Variants in SRGAP3 observed in about 807,000 individuals in gnomAD.
The protein encoded by SRGAP3 is SLIT-ROBO Rho GTPase-activating protein 3.
SRGAP3 carries 39 observed loss-of-function variants against 121.1 expected under a neutral mutation model. The ratio of observed to expected loss-of-function variants is 0.32; its 90% CI spans 0.25 to 0.42. The LOEUF is 0.42. SRGAP3 is among the 10% of genes least tolerant of loss of function. The pLI is 1.00. For missense variants in SRGAP3, 1,213 were observed against 1,470.6 expected (o/e 0.82, Z 2.86); for synonymous variants, 601 against 570.0 (o/e 1.05, Z -0.77).
chr3:9,140,946 G>A (rs1056057848), intron 1 of SRGAP3, among the ~76,000 whole-genome samples: 8 of 152,214 alleles, frequency 5.3e-5, no homozygotes, highest in African/African-American at 1.9e-4. Flanking sequence ...CTCCCCAGGG[G>A]TTAGGCAGGC....
chr3:9,286,727 T>C (rs36074693), intron 3 of SRGAP3, among the ~76,000 whole-genome samples: 16,885 of 140,236 alleles, frequency 0.12, 1,233 homozygotes, highest in Non-Finnish European at 0.14. Flanking sequence ...CTCAGCCTCC[T>C]GAGTAGCTGG....
chr3:9,238,546 A>G (rs1953500989), intron 1 of SRGAP3, among the ~76,000 whole-genome samples: 1 of 152,154 alleles, frequency 6.6e-6, no homozygotes, highest in African/African-American at 2.4e-5. Flanking sequence ...TGGAGAGTAA[A>G]TCAGTAAAGC....
intron 3 of SRGAP3, among the ~76,000 whole-genome samples, chr3:9,260,696 G>T (rs2648510): frequency 0.63 from 95,791 of 151,672 alleles, 31,166 homozygotes; most frequent in Non-Finnish European, 0.71. Context: ...CAGAGAACCT[G>T]GGGGAAGGGG....
chr3:9,075,281 C>A (rs1946908483), intron 4 of SRGAP3, among the ~76,000 whole-genome samples: 1 of 152,112 alleles, frequency 6.6e-6, no homozygotes, highest in African/African-American at 2.4e-5. Flanking sequence ...TATGTGTGCG[C>A]ACGCTTGCAT....
intron 1 of SRGAP3, among the ~76,000 whole-genome samples, chr3:9,132,149 A>G (rs1331448312): frequency 6.6e-6 from 1 of 152,182 alleles, no homozygotes; most frequent in Non-Finnish European, 1.5e-5. Flanking sequence ...TTGACCAGAA[A>G]GTACAGAGAG....
chr3:9,355,914 G>A (rs1048017173), intron 1 of SRGAP3: 1 of 152,182 alleles, frequency 6.6e-6, no homozygotes, highest in Admixed American at 6.5e-5. Flanking sequence ...ATGAGAGGGA[G>A]AAGGGAGCAA....
chr3:9,155,529 C>G (rs539526339), intron 1 of SRGAP3, among the ~76,000 whole-genome samples: 1 of 152,248 alleles, frequency 6.6e-6, no homozygotes, highest in Non-Finnish European at 1.5e-5. Flanking sequence ...TTGGCATATA[C>G]TGGAATCTTT....
intron 3 of SRGAP3, among the ~76,000 whole-genome samples, chr3:9,295,898 C>T (rs1180159550): frequency 6.6e-6 from 1 of 152,132 alleles, no homozygotes; most frequent in Non-Finnish European, 1.5e-5. Context: ...TATACATATA[C>T]CCTTTTGTAC....
intron 1 of SRGAP3, among the ~76,000 whole-genome samples, chr3:9,211,132 T>A (rs1000861363): frequency 6.6e-6 from 1 of 152,128 alleles, no homozygotes; most frequent in African/African-American, 2.4e-5. Context: ...CTTAGTAAGG[T>A]GTTGAGGGGG....
intron 1 of SRGAP3, among the ~76,000 whole-genome samples, chr3:9,220,843 T>C (rs1952789846): frequency 6.6e-6 from 1 of 152,072 alleles, no homozygotes; most frequent in South Asian, 2.1e-4. Context: ...ACAGGAAAGT[T>C]TTAATGAGAG....
At chr3:9,057,096 G>T (rs1945861210) in intron 7 of SRGAP3, among the ~76,000 whole-genome samples, 2 of 152,124 alleles carry the variant, frequency 1.3e-5, no homozygotes, top group African/African-American at 4.8e-5. Flanking sequence ...TGTTGTTGTT[G>T]TCGTTGTTTT....
At chr3:9,171,472 A>G (rs1054822565) in intron 1 of SRGAP3, among the ~76,000 whole-genome samples, 10 of 152,226 alleles carry the variant, frequency 6.6e-5, no homozygotes. Flanking sequence ...AATAAATGAG[A>G]AGGACTTTTT....
chr3:9,163,505 T>A (rs1950673385), intron 1 of SRGAP3, among the ~76,000 whole-genome samples: 1 of 152,230 alleles, frequency 6.6e-6, no homozygotes, highest in African/African-American at 2.4e-5. Context: ...GGTCTTGGCC[T>A]GTGGCTCATC....
At chr3:9,257,924 C>T (rs986687174) in intron 3 of SRGAP3, among the ~76,000 whole-genome samples, 6 of 152,054 alleles carry the variant, frequency 3.9e-5, no homozygotes, top group African/African-American at 1.2e-4. Context: ...AGGCTGGTCT[C>T]GAACTCCTGA....
intron 1 of SRGAP3, among the ~76,000 whole-genome samples, chr3:9,341,759 A>G (rs1331694764): frequency 6.6e-6 from 1 of 152,192 alleles, no homozygotes; most frequent in Non-Finnish European, 1.5e-5. Flanking sequence ...TCGGCCTCCC[A>G]AAGTGTTGAG....
At chr3:9,115,028 T>A (rs190580253) in intron 2 of SRGAP3, among the ~76,000 whole-genome samples, 4 of 152,368 alleles carry the variant, frequency 2.6e-5, no homozygotes, top group African/African-American at 9.6e-5. Context: ...TGGACACGGC[T>A]AGCACAGGTA....
chr3:9,157,234 C>T (rs146878348), intron 1 of SRGAP3, among the ~76,000 whole-genome samples: 446 of 152,236 alleles, frequency 2.9e-3, no homozygotes, highest in African/African-American at 0.01. Flanking sequence ...GAAGCAAGCA[C>T]GTCTTCACAT....
intron 1 of SRGAP3, among the ~76,000 whole-genome samples, chr3:9,361,028 T>G (rs919198971): frequency 6.6e-6 from 1 of 152,248 alleles, no homozygotes; most frequent in African/African-American, 2.4e-5. Flanking sequence ...TGACTAATGA[T>G]GTTCAGCATC....
chr3:9,085,318 G>A (rs1947416626), intron 3 of SRGAP3, among the ~76,000 whole-genome samples: 1 of 152,198 alleles, frequency 6.6e-6, no homozygotes, highest in African/African-American at 2.4e-5. Context: ...ACAGCTCTGA[G>A]GAGTCATTCC....
Sources: allele counts gnomAD v4.1 joint callset (sites outside exome capture counted in the v4.1 genomes callset), GRCh38; gene constraint gnomAD v4.1.1; transcripts MANE v1.5; gene names NCBI Gene and HGNC (gene_info 2026-07-23, HGNC 2026-07-21).